Variants in ELP4 observed in about 807,000 individuals in gnomAD.
ELP4 encodes elongator complex protein 4.
In ELP4, 51 loss-of-function variants were observed where a neutral mutation model predicts 48.9. That is an observed-to-expected ratio of 1.04 (90% CI 0.83 to 1.32). The LOEUF is 1.32. Among genes scored for constraint, ELP4 ranks in the 40% most tolerant of loss-of-function variants. The pLI, the probability that ELP4 is intolerant of heterozygous loss-of-function variation, is 0.00. For synonymous variants in ELP4, 210 were observed against 189.2 expected (o/e 1.11, Z -0.90); for missense variants, 519 against 514.6 (o/e 1.01, Z -0.08).
intron 9 of ELP4, chr11:31,719,697 T>A (rs1037926571): frequency 2.7e-6 from 1 of 376,402 alleles, no homozygotes; most frequent in African/African-American, 2.1e-5. Flanking sequence ...TCATTAAACC[T>A]ATTTTTTAAA....
intron 3 of ELP4, among the ~76,000 whole-genome samples, chr11:31,558,152 T>G (rs1956958882): frequency 6.6e-6 from 1 of 152,168 alleles, no homozygotes; most frequent in South Asian, 2.1e-4. Context: ...CTTTTTTTTT[T>G]TCTTCCTGGC....
chr11:31,513,390 C>G (rs1211538914), intron 1 of ELP4, among the ~76,000 whole-genome samples: 1 of 152,008 alleles, frequency 6.6e-6, no homozygotes, highest in African/African-American at 2.4e-5. Context: ...AAAATAACTG[C>G]AATTAAATTT....
intron 9 of ELP4, among the ~76,000 whole-genome samples, chr11:31,740,484 G>C (rs768018772): frequency 2.6e-5 from 4 of 152,210 alleles, no homozygotes; most frequent in Non-Finnish European, 4.4e-5. Context: ...AAAACAGTTT[G>C]ATGTGTGTTT....
intron 2 of ELP4, among the ~76,000 whole-genome samples, chr11:31,538,015 G>A (rs898578776): frequency 2.6e-5 from 4 of 152,016 alleles, no homozygotes; most frequent in Admixed American, 1.3e-4. Flanking sequence ...ATTTATTTAG[G>A]TCTTCTATAC....
At chr11:31,666,573 T>G (rs1337141874) in intron 9 of ELP4, among the ~76,000 whole-genome samples, 1 of 151,316 alleles carries the variant, frequency 6.6e-6, no homozygotes, top group Non-Finnish European at 1.5e-5. Flanking sequence ...GTGCCTGTAG[T>G]CCCAGCTACT....
At chr11:31,706,534 TG>T (rs1487993055) in intron 9 of ELP4, among the ~76,000 whole-genome samples, 25 of 147,958 alleles carry the variant, frequency 1.7e-4, no homozygotes, top group South Asian at 8.4e-4. Context: ...TAATTTAATT[TG>T]TTTATATATT....
intron 2 of ELP4, among the ~76,000 whole-genome samples, chr11:31,522,518 A>G (rs140851429): frequency 8.2e-4 from 125 of 152,366 alleles, no homozygotes; most frequent in African/African-American, 2.9e-3. Flanking sequence ...GATTATATAG[A>G]TGTGCCATAA....
rs1264918621 is a variant in ELP4 at position 31,783,376 on chromosome 11, G to A, written c.1144-17G>A. 2.5e-6 allele frequency: 4 copies of A among 1,589,458 alleles called. No homozygotes were observed. Among genetic ancestry groups the A allele is most frequent in the Non-Finnish European group, 3.4e-6 (4 of 1,167,896 alleles). On this transcript the variant is annotated splice_polypyrimidine_tract_variant and intron_variant, in intron 9 of 9. Transcript: ENST00000640961. ...TTCTTTCTTCTTTTTTTCTTCTCCTGAAATCTTCTGCCATAGCGACTGCAT... is the reference window on the plus strand; with the variant it reads ...TTCTTTCTTCTTTTTTTCTTCTCCTAAAATCTTCTGCCATAGCGACTGCAT...
intron 9 of ELP4, chr11:31,780,726 G>A (rs1311853502): frequency 6.6e-6 from 1 of 152,164 alleles, no homozygotes; most frequent in East Asian, 1.9e-4. Flanking sequence ...GAAAAGCAGA[G>A]GCCAAGAAAT....
At chr11:31,584,525 G>A (rs1363578084) in intron 3 of ELP4, among the ~76,000 whole-genome samples, 2 of 151,310 alleles carry the variant, frequency 1.3e-5, no homozygotes, top group Non-Finnish European at 1.5e-5. Flanking sequence ...GTTTTGTTTT[G>A]TTGTTGTTGT....
At chr11:31,567,768 G>A (rs1178412929) in intron 3 of ELP4, among the ~76,000 whole-genome samples, 7 of 152,170 alleles carry the variant, frequency 4.6e-5, no homozygotes, top group African/African-American at 1.7e-4. Flanking sequence ...TACTAAGTGT[G>A]CAATAGCATT....
intron 5 of ELP4, among the ~76,000 whole-genome samples, chr11:31,607,893 A>T (rs1957903768): frequency 6.6e-6 from 1 of 152,182 alleles, no homozygotes; most frequent in Non-Finnish European, 1.5e-5. Context: ...GGCCTGACTA[A>T]TTAAAATAGA....
intron 2 of ELP4, among the ~76,000 whole-genome samples, chr11:31,536,195 G>A (rs1956498495): frequency 6.6e-6 from 1 of 150,616 alleles, no homozygotes; most frequent in Non-Finnish European, 1.5e-5. Flanking sequence ...TCAGTTTTTG[G>A]CTATTAAAAA....
At chr11:31,612,275 G>A (rs925212280) in intron 5 of ELP4, among the ~76,000 whole-genome samples, 3 of 152,194 alleles carry the variant, frequency 2.0e-5, no homozygotes, top group African/African-American at 7.2e-5. Flanking sequence ...ATGTACTGAT[G>A]ACTTCTCTTA....
intron 9 of ELP4, among the ~76,000 whole-genome samples, chr11:31,778,552 G>C (rs970796585): frequency 1.2e-4 from 19 of 152,174 alleles, no homozygotes; most frequent in Non-Finnish European, 2.4e-4. Context: ...GAAGCAAGAA[G>C]AGATAAATAA....
chr11:31,606,157 T>C (rs543872364), intron 5 of ELP4, among the ~76,000 whole-genome samples: 1 of 152,286 alleles, frequency 6.6e-6, no homozygotes, highest in African/African-American at 2.4e-5. Flanking sequence ...TTCATAGAGT[T>C]AACTGATAAT....
intron 9 of ELP4, among the ~76,000 whole-genome samples, chr11:31,672,139 C>G (rs1315811197): frequency 6.6e-6 from 1 of 152,016 alleles, no homozygotes; most frequent in Non-Finnish European, 1.5e-5. Context: ...CTCTGGATAC[C>G]CCCTGTAAAG....
At chr11:31,517,462 C>T (rs1261104376) in intron 1 of ELP4, among the ~76,000 whole-genome samples, 1 of 151,970 alleles carries the variant, frequency 6.6e-6, no homozygotes, top group Non-Finnish European at 1.5e-5. Flanking sequence ...CCGTGCCCAA[C>T]CTATCAAAGG....
rs1944876473 is a variant in ELP4, at chr11:31,632,234, T to C, written c.756T>C (p.Ile252=). 1 of 1,598,808 alleles carries C rather than the reference T, an allele frequency of 6.3e-7. No individual in the cohort carries two copies. Among genetic ancestry groups the C allele is most frequent in the Non-Finnish European group, 8.5e-7 (1 of 1,175,804 alleles). Residue 252 remains isoleucine (I), a synonymous_variant, in exon 7 of 10, where the codon ATT becomes ATC. Transcript: ENST00000640961. ...TCTTTTAGAAAAAACAGAGAAACAT[T>C]TTAAGAATAGGAATTCAGAATCTTG... ...GSNPQKKQRN[I]LRIGIQNLGS...
Sources: gnomAD v4.1 joint callset for allele counts (sites outside exome capture counted in the v4.1 genomes callset) on GRCh38, gnomAD v4.1.1 for gene constraint, MANE v1.5 for transcripts, NCBI Gene and HGNC (gene_info 2026-07-23, HGNC 2026-07-21) for gene names.